Variants in VAV2 observed in about 807,000 individuals in gnomAD.
The protein encoded by VAV2 is guanine nucleotide exchange factor VAV2.
In VAV2, 67 loss-of-function variants were observed where a neutral mutation model predicts 132.5. That is an observed-to-expected ratio of 0.51 (90% CI 0.42 to 0.62). The LOEUF is 0.62. Ranked by LOEUF, VAV2 falls within the 20% of genes least tolerant of loss-of-function variation. The pLI is 0.00. For synonymous variants in VAV2, 492 were observed against 443.5 expected, an observed-to-expected ratio of 1.11 and a Z score of -1.37; for missense variants, 938 against 1,153.6, an observed-to-expected ratio of 0.81 and a Z score of 2.71.
In VAV2 at chr9:133,986,012, C is replaced by G. The variant is rs554930264; in HGVS notation, c.204+6063G>C. Among the ~76,000 whole-genome samples the G allele has an allele frequency of 2.6e-5, 4 of 151,758 alleles. No homozygotes were observed. In the East Asian group the frequency reaches 7.7e-4, roughly 29 times the overall value. ...GGAAGAAAAGACTGAGAGAGATGAG[C>G]AGAGAAGGACAAGAGAGGAAGGAAA... is the stretch of plus-strand genomic sequence containing the variant. On this transcript the variant is annotated intron_variant, in intron 1 of 29. Transcript: ENST00000371850.
At position 133,834,962 on chromosome 9, in the gene VAV2, G is replaced by T. The variant is rs1836408168; in HGVS notation, c.381-622C>A. Among the ~76,000 whole-genome samples, 2 of 152,134 alleles carry T rather than the reference G, an allele frequency of 1.3e-5. No individual in the cohort carries two copies. Among genetic ancestry groups the T allele is most frequent in the Admixed American group, 6.5e-5 (1 of 15,280 alleles). On this transcript the variant is annotated intron_variant, in intron 3 of 29. Coordinates refer to ENST00000371850, the MANE Select transcript of VAV2 (RefSeq NM_001134398.2). The surrounding 1 kb of genome is among the most constrained non-coding windows in gnomAD (Gnocchi z 5.9). The stretch of plus-strand genomic sequence containing the variant: ...ACAAAGGGAGCAGAAGCCCCATGGG[G>T]TCTCCCCAGAAGGAACGCGGCGGTG...
chr9:133,811,370 C>T (rs893009639), intron 5 of VAV2, among the ~76,000 whole-genome samples: 2 of 152,248 alleles, frequency 1.3e-5, no homozygotes, highest in Non-Finnish European at 2.9e-5. Context: ...AAGGAAAACA[C>T]TGAAATCAGC....
intron 2 of VAV2, among the ~76,000 whole-genome samples, chr9:133,864,993 T>C (rs1837743989): frequency 6.6e-6 from 1 of 152,214 alleles, no homozygotes; most frequent in African/African-American, 2.4e-5. Context: ...GAGAAACCTT[T>C]AGATCACAGT....
chr9:133,861,256 C>G, intron 3 of VAV2, 118 bp downstream of exon 3: 1 of 1,149,848 alleles, frequency 8.7e-7, no homozygotes, highest in Non-Finnish European at 1.2e-6. Flanking sequence ...GCTGCAAATG[C>G]ATGATAAAGA....
At chr9:133,971,722 G>A (rs1842340031) in intron 1 of VAV2, among the ~76,000 whole-genome samples, 1 of 152,154 alleles carries the variant, frequency 6.6e-6, no homozygotes, top group Admixed American at 6.5e-5. Flanking sequence ...GGTGTGGGCT[G>A]AGCCAGTCAC....
At chr9:133,828,869 T>C (rs1165493678) in intron 4 of VAV2, among the ~76,000 whole-genome samples, 4 of 152,232 alleles carry the variant, frequency 2.6e-5, no homozygotes, top group African/African-American at 7.2e-5. Context: ...CCTGCTGGGA[T>C]AGTGCCCCGG....
intron 15 of VAV2, 54 bp from the exon 16 acceptor site, chr9:133,787,314 C>A: frequency 6.5e-7 from 1 of 1,527,604 alleles, no homozygotes; most frequent in East Asian, 2.4e-5. Context: ...GAGGCTAAGC[C>A]CGGCCCTGTG....
chr9:133,888,068 G>A (rs1446291190), intron 2 of VAV2, among the ~76,000 whole-genome samples: 1 of 152,216 alleles, frequency 6.6e-6, no homozygotes, highest in Non-Finnish European at 1.5e-5. Context: ...CTTGTGCTAA[G>A]GGAAATAAGC....
intron 10 of VAV2, among the ~76,000 whole-genome samples, chr9:133,796,731 C>T (rs1036241630): frequency 1.3e-5 from 2 of 152,140 alleles, no homozygotes; most frequent in East Asian, 1.9e-4. Flanking sequence ...CCCACCCTGC[C>T]GTGTCTGCAC....
At chr9:133,942,237 T>C (rs1841191379) in intron 1 of VAV2, among the ~76,000 whole-genome samples, 1 of 152,172 alleles carries the variant, frequency 6.6e-6, no homozygotes, top group Non-Finnish European at 1.5e-5. Context: ...TGGGCCCCTT[T>C]CCTTAGCAAC....
In VAV2 at chr9:133,861,398, C is replaced by T. The variant is rs757707681; in HGVS notation, c.356G>A (p.Ser119Asn). Residue 119 changes from serine (S) to asparagine (N), a missense_variant, in exon 3 of 30, where the codon AGC becomes AAC. Transcript: ENST00000371850. ...CCTGATCCCTTTGTTCTGCGCGATG[C>T]TGTGCAGGGAGAGCCTCGACACCGC... ...ISAVSRLSLH[S>N]IAQNKGIRPF... The T allele has an allele frequency of 9.3e-6, 15 of 1,613,362 alleles. No individual in the cohort carries two copies. The South Asian group carries it at 1.6e-4, about 18-fold the overall frequency.
intron 1 of VAV2, among the ~76,000 whole-genome samples, chr9:133,942,138 G>T (rs553669501): frequency 6.6e-6 from 1 of 152,198 alleles, no homozygotes; most frequent in Non-Finnish European, 1.5e-5. Context: ...TGAGTTTTAC[G>T]TTATGTGTAT....
At chr9:133,932,211 C>A (rs1046818604) in intron 2 of VAV2, among the ~76,000 whole-genome samples, 1 of 152,234 alleles carries the variant, frequency 6.6e-6, no homozygotes, top group Non-Finnish European at 1.5e-5. Flanking sequence ...TCTCCACACT[C>A]CTTCCCAGCT....
intron 1 of VAV2, among the ~76,000 whole-genome samples, chr9:133,978,196 G>GCTCC (rs1426943983): frequency 6.6e-6 from 1 of 152,218 alleles, no homozygotes; most frequent in Non-Finnish European, 1.5e-5. Flanking sequence ...GCCAGAGGAT[G>GCTCC]CTGGTCCCAG....
At chr9:133,828,878 G>A (rs572920830) in intron 4 of VAV2, among the ~76,000 whole-genome samples, 449 of 152,344 alleles carry the variant, frequency 2.9e-3, no homozygotes, top group African/African-American at 0.01. Flanking sequence ...ATAGTGCCCC[G>A]GTCTTCAGCA....
chr9:133,783,310 G>A (rs112608899), intron 19 of VAV2, among the ~76,000 whole-genome samples, 193 bp downstream of exon 19: 20 of 152,218 alleles, frequency 1.3e-4, no homozygotes, highest in Admixed American at 5.2e-4. Flanking sequence ...AATTCATCCC[G>A]GCTGTGTCTC....
intron 2 of VAV2, among the ~76,000 whole-genome samples, chr9:133,922,449 C>G (rs1261711473): frequency 6.6e-6 from 1 of 152,238 alleles, no homozygotes. Flanking sequence ...GAGCAGCTGA[C>G]CTGGTCATCT....
At chr9:133,987,465 C>T (rs760793314) in intron 1 of VAV2, among the ~76,000 whole-genome samples, 21 of 152,330 alleles carry the variant, frequency 1.4e-4, no homozygotes, top group Admixed American at 5.2e-4. Context: ...GCACAGCTCA[C>T]GATGGCACAC....
In VAV2 at chr9:133,919,434, G is replaced by A. The variant is rs1224760293; in HGVS notation, c.321+19669C>T. On this transcript the variant is annotated intron_variant, in intron 2 of 29. Coordinates refer to ENST00000371850, the MANE Select transcript of VAV2 (RefSeq NM_001134398.2). This position sits in a 1 kb window ranked among gnomAD's most constrained non-coding sequence, Gnocchi z 5.8. ...TTCACTGGGTGGGGCCTCCTCACTG[G>A]ACAGCCCTGGGTGAGGGGTTCCAGG... Among the ~76,000 whole-genome samples, 1 of 152,158 alleles carries A rather than the reference G, an allele frequency of 6.6e-6. No individual in the cohort carries two copies. The highest frequency in any genetic ancestry group is 1.5e-5 in the Non-Finnish European group (1 of 68,032).
Sources: gnomAD v4.1 joint callset for allele counts (sites outside exome capture counted in the v4.1 genomes callset) on GRCh38, gnomAD v4.1.1 for gene constraint, Gnocchi (gnomAD v3.1) non-coding constraint, MANE v1.5 for transcripts, NCBI Gene and HGNC (gene_info 2026-07-23, HGNC 2026-07-21) for gene names.